Variants in KHDRBS3 observed in about 807,000 individuals in gnomAD.
KHDRBS3 encodes the protein KH RNA binding domain containing, signal transduction associated 3.
KHDRBS3 carries 23 observed loss-of-function variants against 45.6 expected under a neutral mutation model. That is an observed-to-expected ratio of 0.50 (90% CI 0.36 to 0.72). KHDRBS3 has a LOEUF of 0.72. KHDRBS3 is among the 30% of genes least tolerant of loss of function. KHDRBS3 has a pLI of 0.00. For missense variants in KHDRBS3, 352 were observed against 424.8 expected, an observed-to-expected ratio of 0.83 and a Z score of 1.51; for synonymous variants, 162 against 156.5, an observed-to-expected ratio of 1.04 and a Z score of -0.26.
intron 1 of KHDRBS3, among the ~76,000 whole-genome samples, chr8:135,509,197 T>C (rs577029177): frequency 1.3e-5 from 2 of 152,348 alleles, no homozygotes; most frequent in South Asian, 4.1e-4. Context: ...CATATATTTG[T>C]TGGAGGTGAA....
At chr8:135,537,768 A>C (rs1416812070) in intron 2 of KHDRBS3, among the ~76,000 whole-genome samples, 1 of 152,210 alleles carries the variant, frequency 6.6e-6, no homozygotes, top group Non-Finnish European at 1.5e-5. Flanking sequence ...GTAAAATGAT[A>C]ATTTCCATGT....
intron 2 of KHDRBS3, among the ~76,000 whole-genome samples, chr8:135,525,124 T>C (rs1825114834): frequency 6.6e-6 from 1 of 152,198 alleles, no homozygotes; most frequent in South Asian, 2.1e-4. Context: ...GAATGTACAT[T>C]GTAGAAACCT....
chr8:135,481,909 G>A (rs767884644), intron 1 of KHDRBS3, among the ~76,000 whole-genome samples: 3 of 152,158 alleles, frequency 2.0e-5, no homozygotes, highest in African/African-American at 4.8e-5. Context: ...GCCTGTCACC[G>A]TTTATGAGTG....
At chr8:135,478,326 C>G (rs1280724887) in intron 1 of KHDRBS3, among the ~76,000 whole-genome samples, 1 of 152,186 alleles carries the variant, frequency 6.6e-6, no homozygotes, top group Non-Finnish European at 1.5e-5. Flanking sequence ...ACAGTGACAA[C>G]AGGAAACTAA....
At chr8:135,546,751 C>T (rs1157020717) in intron 3 of KHDRBS3, among the ~76,000 whole-genome samples, 3 of 152,112 alleles carry the variant, frequency 2.0e-5, no homozygotes, top group Non-Finnish European at 2.9e-5. Context: ...ATGTAATCTG[C>T]CCAAGTCATA....
chr8:135,505,598 A>C (rs1472334140), intron 1 of KHDRBS3, among the ~76,000 whole-genome samples: 2 of 152,142 alleles, frequency 1.3e-5, no homozygotes, highest in African/African-American at 4.8e-5. Context: ...TTGACCCAAA[A>C]AGCGAATGGG....
intron 1 of KHDRBS3, among the ~76,000 whole-genome samples, chr8:135,520,753 GGGAA>G (rs1424321195): frequency 6.6e-6 from 1 of 152,190 alleles, no homozygotes; most frequent in Non-Finnish European, 1.5e-5. Flanking sequence ...CATGCAAGGA[GGGAA>G]GATTTGATTG....
intron 4 of KHDRBS3, among the ~76,000 whole-genome samples, chr8:135,557,106 A>G (rs921990655): frequency 3.9e-5 from 6 of 152,216 alleles, no homozygotes; most frequent in Admixed American, 6.5e-5. Context: ...ATAGATAATC[A>G]ATACCTGCTA....
intron 6 of KHDRBS3, among the ~76,000 whole-genome samples, chr8:135,601,610 G>T (rs551084096): frequency 4.4e-4 from 67 of 152,276 alleles, no homozygotes; most frequent in Non-Finnish European, 8.2e-4. Context: ...AGCAAATATG[G>T]AAATGTGAAA....
At chr8:135,628,459 T>G (rs986666834) in intron 7 of KHDRBS3, among the ~76,000 whole-genome samples, 1 of 152,256 alleles carries the variant, frequency 6.6e-6, no homozygotes, top group Non-Finnish European at 1.5e-5. Flanking sequence ...AGAAAAATGT[T>G]GTTTTTAAAC....
Position 135,505,215 on chromosome 8 carries a change from A to G in KHDRBS3, c.89-16022A>G, listed in dbSNP as rs1823930068. 2.0e-5 allele frequency among the ~76,000 whole-genome samples: 3 copies of G among 152,298 alleles called. No individual in the cohort carries two copies. In the South Asian group the frequency reaches 6.2e-4, roughly 32 times the overall value. On this transcript the variant is annotated intron_variant, in intron 1 of 8. Coordinates refer to ENST00000355849, the MANE Select transcript of KHDRBS3 (RefSeq NM_006558.3). ...CATTAGATTAGTGTTTTTCAACCCT[A>G]AGAGTTGGAGATGGGTCATACATGC...
chr8:135,591,077 C>G (rs1453115528), intron 6 of KHDRBS3, among the ~76,000 whole-genome samples: 3 of 152,294 alleles, frequency 2.0e-5, no homozygotes, highest in African/African-American at 7.2e-5. Flanking sequence ...AGTGTGGAAT[C>G]ATCCTTAAAT....
intron 7 of KHDRBS3, among the ~76,000 whole-genome samples, chr8:135,630,482 A>AATGTATGTATGTATGTATGTATGT (rs11269726): frequency 0.037 from 5,631 of 150,944 alleles, 181 homozygotes; most frequent in East Asian, 0.09. Context: ...TATAAAGTTT[A>AATGTATGTATGTATGTATGTATGT]ATGTATGTAT....
At chr8:135,579,307 A>G (rs1828092203) in intron 5 of KHDRBS3, among the ~76,000 whole-genome samples, 1 of 152,148 alleles carries the variant, frequency 6.6e-6, no homozygotes, top group Non-Finnish European at 1.5e-5. Context: ...GTTGCTCACA[A>G]TTCAATATGT....
chr8:135,518,003 A>G (rs1824704588), intron 1 of KHDRBS3, among the ~76,000 whole-genome samples: 1 of 152,196 alleles, frequency 6.6e-6, no homozygotes, highest in Admixed American at 6.5e-5. Flanking sequence ...AATATGTGAT[A>G]AAATACTTAA....
At chr8:135,498,302 G>A (rs779186333) in intron 1 of KHDRBS3, among the ~76,000 whole-genome samples, 4 of 152,054 alleles carry the variant, frequency 2.6e-5, no homozygotes, top group African/African-American at 4.8e-5. Flanking sequence ...TTCAACTACC[G>A]TACTGCATTA....
chr8:135,583,037 C>G (rs944236000), intron 6 of KHDRBS3, among the ~76,000 whole-genome samples: 9 of 152,172 alleles, frequency 5.9e-5, no homozygotes, highest in Non-Finnish European at 1.0e-4. Context: ...GCCTCCTCAG[C>G]CTAGAATGGT....
intron 7 of KHDRBS3, among the ~76,000 whole-genome samples, chr8:135,613,231 G>T (rs1018914204): frequency 6.6e-6 from 1 of 151,868 alleles, no homozygotes; most frequent in African/African-American, 2.4e-5. Context: ...TATTTGTGCC[G>T]ATGTATTATC....
chr8:135,523,306 C>T (rs1411793936), intron 2 of KHDRBS3, among the ~76,000 whole-genome samples: 2 of 152,046 alleles, frequency 1.3e-5, no homozygotes, highest in Non-Finnish European at 2.9e-5. Flanking sequence ...ATCAACAGCG[C>T]TTTGTACTTT....
Sources: allele counts gnomAD v4.1 joint callset (sites outside exome capture counted in the v4.1 genomes callset), GRCh38; gene constraint gnomAD v4.1.1; transcripts MANE v1.5; gene names NCBI Gene and HGNC (gene_info 2026-07-23, HGNC 2026-07-21).